The following ARHGAP26 variants were observed in gnomAD, a reference collection of about 807,000 sequenced individuals.
ARHGAP26 encodes Rho GTPase activating protein 26.
In ARHGAP26, 38 loss-of-function variants were observed where a neutral mutation model predicts 104.8. That is an observed-to-expected ratio of 0.36 (90% confidence interval 0.28 to 0.48). The LOEUF (loss-of-function observed/expected upper bound fraction) is 0.48. ARHGAP26 is among the 20% of genes least tolerant of loss of function. The pLI is 0.99. For missense variants in ARHGAP26, 704 were observed against 947.9 expected (o/e 0.74, Z 3.38); for synonymous variants, 341 against 340.0 (o/e 1.00, Z -0.03).
At chr5:142,971,233 C>T (rs1272465470) in intron 11 of ARHGAP26, among the ~76,000 whole-genome samples, 1 of 152,076 alleles carries the variant, frequency 6.6e-6, no homozygotes, top group Non-Finnish European at 1.5e-5. Flanking sequence ...AGGGACTATG[C>T]TTGGTACAGT....
At chr5:143,101,865 T>C (rs376720332) in intron 17 of ARHGAP26, among the ~76,000 whole-genome samples, 2 of 152,162 alleles carry the variant, frequency 1.3e-5, no homozygotes, top group South Asian at 2.1e-4. Flanking sequence ...GCTTTTTTTT[T>C]TTTTTTCTTC....
intron 17 of ARHGAP26, among the ~76,000 whole-genome samples, chr5:143,087,001 T>G (rs1431670062): frequency 6.6e-6 from 1 of 152,242 alleles, no homozygotes; most frequent in Non-Finnish European, 1.5e-5. Context: ...TTTACGAGCT[T>G]GCTAGATCAT....
At chr5:143,068,114 A>G (rs1363746589) in intron 17 of ARHGAP26, among the ~76,000 whole-genome samples, 1 of 152,198 alleles carries the variant, frequency 6.6e-6, no homozygotes, top group Non-Finnish European at 1.5e-5. Context: ...GCAGTGAGCC[A>G]AGACCATGCC....
chr5:142,980,029 C>T (rs985682005), intron 11 of ARHGAP26, among the ~76,000 whole-genome samples: 1 of 152,208 alleles, frequency 6.6e-6, no homozygotes, highest in South Asian at 2.1e-4. Context: ...CCAGAAGGCT[C>T]CCTAGTGCAC....
chr5:142,920,246 C>T (rs957367250), intron 10 of ARHGAP26, among the ~76,000 whole-genome samples: 1 of 152,114 alleles, frequency 6.6e-6, no homozygotes, highest in African/African-American at 2.4e-5. Context: ...GGATGTGAAT[C>T]GGTAGTACTT....
intron 17 of ARHGAP26, among the ~76,000 whole-genome samples, chr5:143,105,180 A>G (rs1333726467): frequency 6.6e-6 from 1 of 152,140 alleles, no homozygotes; most frequent in Non-Finnish European, 1.5e-5. Flanking sequence ...GTTTGAGACC[A>G]GCTTGACCAA....
At chr5:142,843,288 G>A (rs865816864) in intron 1 of ARHGAP26, among the ~76,000 whole-genome samples, 15 of 152,294 alleles carry the variant, frequency 9.8e-5, no homozygotes, top group African/African-American at 3.4e-4. Context: ...CAAAGAGTGT[G>A]ATCACTCCTG....
At chr5:142,913,582 C>T (rs984986142) in intron 10 of ARHGAP26, among the ~76,000 whole-genome samples, 1 of 152,078 alleles carries the variant, frequency 6.6e-6, no homozygotes, top group Non-Finnish European at 1.5e-5. Context: ...TGCTTTCATG[C>T]TCAGAAATGT....
chr5:143,167,526 A>G (rs913526353), intron 20 of ARHGAP26, among the ~76,000 whole-genome samples: 24 of 135,550 alleles, frequency 1.8e-4, no homozygotes, highest in Admixed American at 1.5e-3. Flanking sequence ...AAAGAAATCC[A>G]TTGTTTGTAA....
intron 15 of ARHGAP26, among the ~76,000 whole-genome samples, chr5:143,055,044 T>A (rs1358516271): frequency 6.6e-6 from 1 of 152,230 alleles, no homozygotes. Flanking sequence ...CATTTATATA[T>A]GATACTACTG....
At chr5:143,166,426 G>A (rs1009322536) in intron 20 of ARHGAP26, among the ~76,000 whole-genome samples, 3 of 152,096 alleles carry the variant, frequency 2.0e-5, no homozygotes, top group Non-Finnish European at 4.4e-5. Context: ...GAGTGGAGTG[G>A]CTCTTTTGGC....
intron 17 of ARHGAP26, among the ~76,000 whole-genome samples, chr5:143,075,170 T>C (rs1317124482): frequency 1.3e-5 from 2 of 152,220 alleles, no homozygotes; most frequent in African/African-American, 4.8e-5. Flanking sequence ...GAACAAGAGT[T>C]GTCATAATTT....
intron 9 of ARHGAP26, among the ~76,000 whole-genome samples, chr5:142,910,266 G>A (rs553234719): frequency 6.6e-6 from 1 of 152,228 alleles, no homozygotes; most frequent in South Asian, 2.1e-4. Flanking sequence ...TTACAGAGCT[G>A]GTGCTCAAAC....
intron 14 of ARHGAP26, among the ~76,000 whole-genome samples, chr5:143,051,206 T>A: frequency 6.6e-6 from 1 of 152,192 alleles, no homozygotes; most frequent in South Asian, 2.1e-4. Context: ...CTCCAAAATA[T>A]CCTTCATTTT....
Position 143,029,392 on chromosome 5 carries a change from G to GTTT in ARHGAP26, c.1145-7776_1145-7774dup, listed in dbSNP as rs536919888. 1.4e-3 allele frequency among the ~76,000 whole-genome samples: 116 copies of GTTT among 80,840 alleles called. 20 individuals are homozygous for GTTT. The highest frequency in any genetic ancestry group is 4.9e-3 in the South Asian group (11 of 2,242). 53.0% of individuals were successfully genotyped at this position (80,840 alleles called of 152,430 possible). A position where few individuals can be genotyped will look rare whatever the true frequency, so the allele number is the denominator to read the frequency against. The stretch of plus-strand genomic sequence containing the variant: ...CATGTTAGAAATCCTTTACTTCTCA[G>GTTT]TTTTTTTTTTTTTTTTTTTTTTTTT... On this transcript the variant is annotated intron_variant, in intron 12 of 22. Coordinates refer to ENST00000645722, the MANE Select transcript of ARHGAP26 (RefSeq NM_001135608.3).
rs78528446 is a variant in ARHGAP26 at position 143,096,830 on chromosome 5, G to A, written c.1539-24158G>A. Among the ~76,000 whole-genome samples the A allele has an allele frequency of 2.5e-3, 380 of 152,146 alleles. 3 individuals are homozygous for A. The highest frequency in any genetic ancestry group is 4.5e-3 in the Non-Finnish European group (305 of 67,996). On this transcript the variant is annotated intron_variant, in intron 17 of 22. Transcript: ENST00000645722. The stretch of plus-strand genomic sequence containing the variant: ...TCTCATGGAACCCCTGAAGGGTGTT[G>A]GAAACCTCCCCGTAGTTAATGGACC...
Position 142,894,342 on chromosome 5 carries a change from G to A in ARHGAP26, c.591G>A (p.Val197=), listed in dbSNP as rs1759164829. 1.2e-6 allele frequency: 2 copies of A among 1,613,182 alleles called. No homozygotes were observed. The highest frequency in any genetic ancestry group is 1.7e-6 in the Non-Finnish European group (2 of 1,179,348). Residue 197 remains valine, a synonymous_variant, in exon 6 of 23, where the codon GTG becomes GTA. Transcript: ENST00000645722. The stretch of plus-strand genomic sequence containing the variant: ...AAGAGAGAAAGATGTTTGAGTTTGT[G>A]GAGCCTGTAAGTAGATATTCAGGGT... ...EVQERKMFEF[V]EPLLAFLQGL...
intron 12 of ARHGAP26, chr5:143,014,444 C>A (rs1450718923): frequency 1.3e-5 from 4 of 308,492 alleles, no homozygotes; most frequent in Non-Finnish European, 2.4e-5. Flanking sequence ...TTACTTAATA[C>A]AACAATACTC....
At chr5:142,829,916 G>T (rs1453643575) in intron 1 of ARHGAP26, among the ~76,000 whole-genome samples, 1 of 152,208 alleles carries the variant, frequency 6.6e-6, no homozygotes, top group Non-Finnish European at 1.5e-5. Context: ...CCACAGCTAG[G>T]AAGTGGCAGA....
Sources: allele counts gnomAD v4.1 joint callset (sites outside exome capture counted in the v4.1 genomes callset), GRCh38; gene constraint gnomAD v4.1.1; transcripts MANE v1.5; gene names NCBI Gene and HGNC (gene_info 2026-07-23, HGNC 2026-07-21).